JAK1: variants seen among roughly 807,000 people sequenced by gnomAD.
The protein encoded by JAK1 is Janus kinase 1, also known as tyrosine-protein kinase JAK1.
Under a neutral mutation model 136.6 loss-of-function variants are expected in JAK1, and 16 were observed. That is an observed-to-expected ratio of 0.12 (90% CI 0.08 to 0.18). JAK1 has a LOEUF of 0.18. Among genes scored for constraint, JAK1 ranks in the 10% least tolerant of loss-of-function variants. The pLI, the probability that JAK1 is intolerant of heterozygous loss-of-function variation, is 1.00. For missense variants in JAK1, 859 were observed against 1,450.1 expected (o/e 0.59, Z 6.62); for synonymous variants, 492 against 519.5 (o/e 0.95, Z 0.72).
chr1:64,907,184 T>C (rs767658916), intron 1 of JAK1, among the ~76,000 whole-genome samples: 1 of 152,044 alleles, frequency 6.6e-6, no homozygotes, highest in Non-Finnish European at 1.5e-5. Flanking sequence ...TAACAGTACA[T>C]GGGGTTGGAA....
At chr1:64,858,235 C>A (rs948539902) in intron 9 of JAK1, among the ~76,000 whole-genome samples, 1 of 152,160 alleles carries the variant, frequency 6.6e-6, no homozygotes, top group Non-Finnish European at 1.5e-5. Context: ...TCAGTGAGGA[C>A]TGGACAGATG....
At chr1:64,927,285 G>A (rs1445057706) in intron 1 of JAK1, among the ~76,000 whole-genome samples, 3 of 152,288 alleles carry the variant, frequency 2.0e-5, no homozygotes, top group East Asian at 3.9e-4. Context: ...ACTTATGACA[G>A]CCTAGAATTG....
chr1:65,028,393 C>G (rs1016082597), intron 2 of JAK1, among the ~76,000 whole-genome samples: 9 of 150,228 alleles, frequency 6.0e-5, no homozygotes, highest in African/African-American at 2.2e-4. Context: ...GTCTGCTGTT[C>G]TATCCCTAGC....
intron 2 of JAK1, among the ~76,000 whole-genome samples, chr1:64,998,664 T>C (rs1252100995): frequency 3.3e-5 from 5 of 152,274 alleles, no homozygotes; most frequent in Non-Finnish European, 5.9e-5. Context: ...AATTAAATCA[T>C]GGGGGCGGGT....
chr1:65,067,044 C>G (rs1468888180), intron 1 of JAK1, among the ~76,000 whole-genome samples: 2 of 152,090 alleles, frequency 1.3e-5, no homozygotes, highest in Non-Finnish European at 2.9e-5. Context: ...TGGGCGAGGT[C>G]GCCCCGCTAC....
chr1:65,056,872 C>G (rs181611642), intron 1 of JAK1, among the ~76,000 whole-genome samples: 2 of 143,770 alleles, frequency 1.4e-5, no homozygotes, highest in African/African-American at 2.6e-5. Flanking sequence ...TGCAGTGAAC[C>G]AAGACTGAGC....
chr1:64,928,787 A>AAAAACAAAC (rs1645631291), intron 1 of JAK1, among the ~76,000 whole-genome samples: 1 of 92,602 alleles, frequency 1.1e-5, no homozygotes, highest in African/African-American at 5.4e-5. Context: ...GCAAAAAAAA[A>AAAAACAAAC]AAAAAAAAAC....
rs187606800 is a variant in JAK1 at position 65,011,744 on chromosome 1, A to G, written c.-78+32736T>C. On this transcript the variant is annotated intron_variant, in intron 2 of 25. Transcript: ENST00000671954. The stretch of plus-strand genomic sequence containing the variant: ...GACATTGAGGAAGTAGAATGTCTGA[A>G]CCTCTTCCTGTTCTAGTGGATGGCA... Among the ~76,000 whole-genome samples, 435 of 152,180 alleles carry G rather than the reference A, an allele frequency of 2.9e-3. 1 individual carries two copies. Among genetic ancestry groups the G allele is most frequent in the South Asian group, 5.8e-3 (28 of 4,816 alleles).
At chr1:65,008,657 C>CCCCTTT (rs1646823285) in intron 2 of JAK1, among the ~76,000 whole-genome samples, 2 of 151,020 alleles carry the variant, frequency 1.3e-5, no homozygotes, top group African/African-American at 4.9e-5. Context: ...CCTTCCTCTT[C>CCCCTTT]CCCTTTCCCT....
chr1:64,869,132 A>C (rs1384132677), intron 6 of JAK1, among the ~76,000 whole-genome samples, 179 bp downstream of exon 6: 2 of 152,230 alleles, frequency 1.3e-5, no homozygotes, highest in Non-Finnish European at 2.9e-5. Context: ...CCAACATCCA[A>C]AATCAAGACA....
At chr1:64,970,101 C>CTGAA (rs1646436654), upstream of JAK1, among the ~76,000 whole-genome samples, 1 of 134,550 alleles carries the variant, frequency 7.4e-6, no homozygotes, top group Admixed American at 8.7e-5. Flanking sequence ...TGCCACTGCA[C>CTGAA]TGAAGCCTGG....
intron 2 of JAK1, among the ~76,000 whole-genome samples, chr1:65,008,957 AT>A (rs1646825881): frequency 6.6e-6 from 1 of 152,168 alleles, no homozygotes; most frequent in Non-Finnish European, 1.5e-5. Flanking sequence ...AAGTGCTGGG[AT>A]TTCAGGCGTG....
At chr1:64,985,530 C>T in intron 2 of JAK1, 2 of 1,433,730 alleles carry the variant, frequency 1.4e-6, no homozygotes, top group Non-Finnish European at 2.0e-6. Flanking sequence ...GATGGGAAAG[C>T]CTAATAGCAC....
chr1:64,987,750 T>C (rs930307801), intron 2 of JAK1: 1 of 152,232 alleles, frequency 6.6e-6, no homozygotes, highest in Non-Finnish European at 1.5e-5. Flanking sequence ...TTGTGGACAA[T>C]GACTATTCTC....
chr1:65,006,732 G>T (rs1209870918), intron 2 of JAK1, among the ~76,000 whole-genome samples: 1 of 152,042 alleles, frequency 6.6e-6, no homozygotes, highest in South Asian at 2.1e-4. Flanking sequence ...TCAGTAGCAG[G>T]TACTTACCAT....
chr1:64,928,778 C>CAAAAAAA (rs1183218798), intron 1 of JAK1, among the ~76,000 whole-genome samples: 15,526 of 60,616 alleles, frequency 0.26, 3,321 homozygotes, highest in Non-Finnish European at 0.37. Flanking sequence ...TAAAACTCTG[C>CAAAAAAA]AAAAAAAAAA....
chr1:65,001,195 G>A (rs1295235577), intron 2 of JAK1, among the ~76,000 whole-genome samples: 1 of 152,160 alleles, frequency 6.6e-6, no homozygotes, highest in Non-Finnish European at 1.5e-5. Flanking sequence ...TTCATTCGCC[G>A]ATTTCACTTT....
chr1:64,928,451 G>C (rs1389102878), intron 1 of JAK1, among the ~76,000 whole-genome samples: 2 of 152,100 alleles, frequency 1.3e-5, no homozygotes, highest in Admixed American at 1.3e-4. Flanking sequence ...GCACCTAGTA[G>C]GTATACAAGA....
At chr1:64,846,835 T>A in intron 13 of JAK1, 99 bp from the exon 14 acceptor site, 1 of 867,552 alleles carries the variant, frequency 1.2e-6, no homozygotes, top group Admixed American at 2.0e-5. Flanking sequence ...CCAGGAAAGC[T>A]CACCACTGTC....
Sources: gnomAD v4.1 joint callset for allele counts (sites outside exome capture counted in the v4.1 genomes callset) on GRCh38, gnomAD v4.1.1 for gene constraint, MANE v1.5 for transcripts, NCBI Gene and HGNC (gene_info 2026-07-23, HGNC 2026-07-21) for gene names.